Variants in PCDHGA1 observed in about 807,000 individuals in gnomAD.
PCDHGA1 encodes the protein protocadherin gamma-A1.
PCDHGA1 carries 32 observed loss-of-function variants against 58.0 expected under a neutral mutation model. That is an observed-to-expected ratio of 0.55 (90% CI 0.42 to 0.74). The LOEUF (loss-of-function observed/expected upper bound fraction) is 0.74, where lower values mean the gene tolerates loss of function less well. Among genes scored for constraint, PCDHGA1 ranks in the 30% least tolerant of loss-of-function variants. The pLI is 0.00. For missense variants in PCDHGA1, 1,205 were observed against 1,182.3 expected (o/e 1.02, Z -0.28); for synonymous variants, 498 against 501.1 (o/e 0.99, Z 0.08).
chr5:141,362,141 A>G (rs765866460), intron 1 of PCDHGA1: 2 of 1,614,032 alleles, frequency 1.2e-6, no homozygotes, highest in South Asian at 2.2e-5. Flanking sequence ...GATAGCCTGC[A>G]AGAGGTATTG....
intron 1 of PCDHGA1, chr5:141,398,072 G>T: frequency 1.9e-6 from 3 of 1,588,646 alleles, no homozygotes; most frequent in Non-Finnish European, 2.6e-6. Context: ...CAATACAGAG[G>T]TTATTTGTAA....
At chr5:141,385,495 T>G in intron 1 of PCDHGA1, 1 of 1,391,982 alleles carries the variant, frequency 7.2e-7, no homozygotes, top group Non-Finnish European at 9.3e-7. Flanking sequence ...ACATAGGATA[T>G]AGTATTTCTT....
At chr5:141,448,822 G>A (rs924937891) in intron 1 of PCDHGA1, among the ~76,000 whole-genome samples, 4 of 152,048 alleles carry the variant, frequency 2.6e-5, no homozygotes, top group African/African-American at 9.7e-5. Context: ...GCGGGCGCCT[G>A]TAGTCCCAGC....
At chr5:141,355,003 C>A in intron 1 of PCDHGA1, 1 of 767,012 alleles carries the variant, frequency 1.3e-6, no homozygotes, top group Non-Finnish European at 1.9e-6. Flanking sequence ...GGGGAAAAGA[C>A]AAACCAGAAA....
At chr5:141,394,875 A>G in intron 1 of PCDHGA1, 3 of 1,613,722 alleles carry the variant, frequency 1.9e-6, no homozygotes, top group Non-Finnish European at 8.5e-7. Flanking sequence ...GAACGATTCG[A>G]GCCTTACACT....
chr5:141,351,666 A>G, intron 1 of PCDHGA1: 1 of 1,614,014 alleles, frequency 6.2e-7, no homozygotes, highest in Admixed American at 1.7e-5. Flanking sequence ...TCCATTGCAC[A>G]AGTAAGCGCC....
chr5:141,362,129 C>T, intron 1 of PCDHGA1: 2 of 1,614,016 alleles, frequency 1.2e-6, no homozygotes, highest in Non-Finnish European at 1.7e-6. Flanking sequence ...CTAATCTTCG[C>T]GGATAGCCTG....
Position 141,477,197 on chromosome 5 carries a change from G to C in PCDHGA1, c.2422-17610G>C, listed in dbSNP as rs781504885. 6.2e-7 allele frequency: 1 copy of C among 1,614,210 alleles called. No homozygotes were observed. Among genetic ancestry groups the C allele is most frequent in the South Asian group, 1.1e-5 (1 of 91,082 alleles). On this transcript the variant is annotated intron_variant, in intron 1 of 3. Transcript: ENST00000517417. The surrounding 1 kb of genome is among the most constrained non-coding windows in gnomAD (Gnocchi z 4.9). ...CACAGTCACCTCCGTGTACAGCCCA[G>C]TACCCGAGGATGCCCCTCTGGGGAC...
intron 1 of PCDHGA1, chr5:141,384,604 A>G (rs762562769): frequency 3.1e-6 from 5 of 1,613,896 alleles, no homozygotes; most frequent in South Asian, 2.2e-5. Context: ...GGCCCTCCCC[A>G]CAGATGGTTC....
chr5:141,418,647 G>C, intron 1 of PCDHGA1: 1 of 1,614,034 alleles, frequency 6.2e-7, no homozygotes, highest in Non-Finnish European at 8.5e-7. Flanking sequence ...TCCATCCTGA[G>C]AGTGAAGGCC....
intron 1 of PCDHGA1, among the ~76,000 whole-genome samples, chr5:141,492,760 C>T (rs991820569): frequency 1.3e-5 from 2 of 152,212 alleles, no homozygotes; most frequent in Admixed American, 1.3e-4. Context: ...CAGGGCTCCG[C>T]GTTGGGCGAG....
chr5:141,429,389 A>T (rs6890456), intron 1 of PCDHGA1, among the ~76,000 whole-genome samples: 7,460 of 147,570 alleles, frequency 0.051, 197 homozygotes, highest in South Asian at 0.075. Flanking sequence ...TTTTTTTTTA[A>T]AAAAAATTGA....
intron 1 of PCDHGA1, chr5:141,374,262 C>T (rs369097101): frequency 6.2e-7 from 1 of 1,613,942 alleles, no homozygotes; most frequent in Non-Finnish European, 8.5e-7. Flanking sequence ...CAGGAGTTGG[C>T]GGAGCACGGA....
chr5:141,486,504 A>G lies in PCDHGA1; in HGVS notation c.2422-8303A>G. ...AGTACCCACAGAACTATTTTCCTCA[A>G]TATTTCAGATGTGAATGATAATCCA... On this transcript the variant is annotated intron_variant, in intron 1 of 3. Transcript: ENST00000517417. The surrounding 1 kb of genome is among the most constrained non-coding windows in gnomAD (Gnocchi z 5.0). 7.4e-6 allele frequency: 12 copies of G among 1,614,100 alleles called. No individual in the cohort carries two copies. Among genetic ancestry groups the G allele is most frequent in the Non-Finnish European group, 1.0e-5 (12 of 1,179,986 alleles).
At chr5:141,408,557 G>A in intron 1 of PCDHGA1, 6 of 1,614,046 alleles carry the variant, frequency 3.7e-6, no homozygotes, top group Non-Finnish European at 5.1e-6. Flanking sequence ...TATTTTTCAT[G>A]TCATTGTGGT....
At position 141,333,021 on chromosome 5, in the gene PCDHGA1, CA is replaced by C; in HGVS notation, c.2338del (p.Ile780SerfsTer71). ...CCCAGCCCAACTATGCGGACACACT[CA>C]TCAGCCAGGAGAGCTGTGAGAAAAA... Reference protein sequence around the residue: ...FPQPNYADTLISQESCEKKGF... With the variant: ...FPQPNYADTLXSQESCEKKGF... On this transcript the variant is annotated frameshift_variant, in exon 1 of 4. Transcript: ENST00000517417. LOFTEE classifies it high-confidence loss of function. 6.2e-7 allele frequency: 1 copy of C among 1,614,236 alleles called. No individual in the cohort carries two copies. Among genetic ancestry groups the C allele is most frequent in the Non-Finnish European group, 8.5e-7 (1 of 1,180,052 alleles).
At chr5:141,366,901 T>C in intron 1 of PCDHGA1, 1 of 1,189,700 alleles carries the variant, frequency 8.4e-7, no homozygotes, top group Non-Finnish European at 1.2e-6. Flanking sequence ...AATTCATGCT[T>C]TCTCCATTTG....
chr5:141,477,630 T>G lies in PCDHGA1; in HGVS notation c.2422-17177T>G. The G allele has an allele frequency of 6.2e-7, 1 of 1,614,228 alleles. No homozygotes were observed. The highest frequency in any genetic ancestry group is 8.5e-7 in the Non-Finnish European group (1 of 1,180,042). ...TTGGAGCAAGGAGCTGAAACCGGGC[T>G]AGTGGGTCGCTATTTCACAATAAAT... On this transcript the variant is annotated intron_variant, in intron 1 of 3. Coordinates refer to ENST00000517417, the MANE Select transcript of PCDHGA1 (RefSeq NM_018912.3). The surrounding 1 kb of genome is among the most constrained non-coding windows in gnomAD (Gnocchi z 4.9).
intron 1 of PCDHGA1, chr5:141,394,509 G>A (rs367855808): frequency 6.2e-7 from 1 of 1,614,146 alleles, no homozygotes; most frequent in Non-Finnish European, 8.5e-7. Context: ...CCTGTACCCC[G>A]CCCTCCCCAC....
Sources: allele counts gnomAD v4.1 joint callset (sites outside exome capture counted in the v4.1 genomes callset), GRCh38; gene constraint gnomAD v4.1.1; non-coding constraint Gnocchi (gnomAD v3.1); transcripts MANE v1.5; gene names NCBI Gene and HGNC (gene_info 2026-07-23, HGNC 2026-07-21).